COBLL1: variants seen among roughly 807,000 people sequenced by gnomAD.
The protein encoded by COBLL1 is cordon-bleu protein-like 1.
A neutral mutation model predicts 94.8 loss-of-function variants in COBLL1; 50 were observed. The ratio of observed to expected loss-of-function variants is 0.53; its 90% CI spans 0.42 to 0.67. COBLL1 has a LOEUF of 0.67. COBLL1 is among the 30% of genes least tolerant of loss of function. The pLI, the probability that COBLL1 is intolerant of heterozygous loss-of-function variation, is 0.00. For missense variants in COBLL1, 1,362 were observed against 1,348.7 expected (o/e 1.01, Z -0.15); for synonymous variants, 448 against 473.8 (o/e 0.95, Z 0.71).
chr2:164,713,271 G>A (rs1411215491), intron 7 of COBLL1, among the ~76,000 whole-genome samples: 1 of 152,104 alleles, frequency 6.6e-6, no homozygotes, highest in Non-Finnish European at 1.5e-5. Context: ...TAACATCAGA[G>A]TGAAGGGGTA....
intron 2 of COBLL1, among the ~76,000 whole-genome samples, chr2:164,804,437 C>A (rs1683985942): frequency 6.6e-6 from 1 of 151,980 alleles, no homozygotes; most frequent in Non-Finnish European, 1.5e-5. Context: ...TATGAAATGT[C>A]TGTTTCATAT....
intron 2 of COBLL1, among the ~76,000 whole-genome samples, chr2:164,828,539 T>A (rs1391988431): frequency 6.6e-6 from 1 of 152,122 alleles, no homozygotes; most frequent in African/African-American, 2.4e-5. Flanking sequence ...AGTAGATTGT[T>A]AAGTAAAAAA....
At chr2:164,718,082 C>T in intron 7 of COBLL1, 1 of 182,130 alleles carries the variant, frequency 5.5e-6, no homozygotes, top group Non-Finnish European at 1.0e-5. Flanking sequence ...GAAAATTTAC[C>T]AGATATATGA....
chr2:164,676,576 GA>G (rs779126632), downstream of COBLL1, among the ~76,000 whole-genome samples: 31 of 152,054 alleles, frequency 2.0e-4, no homozygotes, highest in Non-Finnish European at 4.0e-4. Context: ...TTCTGGGATG[GA>G]AAATCTGTAC....
chr2:164,794,058 ATACT>A (rs1405734107), intron 2 of COBLL1, among the ~76,000 whole-genome samples: 1 of 152,218 alleles, frequency 6.6e-6, no homozygotes, highest in African/African-American at 2.4e-5. Context: ...ACAGAAGGTC[ATACT>A]TACTTAGAAA....
intron 13 of COBLL1, chr2:164,687,586 GT>G: frequency 8.5e-7 from 1 of 1,175,994 alleles, no homozygotes; most frequent in Non-Finnish European, 1.3e-6. Context: ...TCGCATGCCT[GT>G]TTGAAGCCTA....
chr2:164,772,133 T>G (rs754867063), intron 2 of COBLL1: 2 of 149,900 alleles, frequency 1.3e-5, no homozygotes, highest in Non-Finnish European at 3.0e-5. Flanking sequence ...GTTTAGTTGT[T>G]AATCCTCACA....
intron 5 of COBLL1, chr2:164,722,832 T>C (rs924635932): frequency 2.9e-5 from 5 of 170,648 alleles, no homozygotes; most frequent in Non-Finnish European, 5.0e-5. Flanking sequence ...TTTTGAAGTA[T>C]AGAAGCAAAA....
At chr2:164,818,142 A>G (rs989042071) in intron 2 of COBLL1, among the ~76,000 whole-genome samples, 6 of 151,404 alleles carry the variant, frequency 4.0e-5, no homozygotes, top group Non-Finnish European at 5.9e-5. Context: ...GTACATGTAT[A>G]TGTACATGTA....
At chr2:164,736,347 G>A (rs571097179) in intron 3 of COBLL1, among the ~76,000 whole-genome samples, 4 of 152,196 alleles carry the variant, frequency 2.6e-5, no homozygotes, top group South Asian at 2.1e-4. Context: ...CCAGGTACAC[G>A]AAACAAATAG....
chr2:164,828,240 CTGATCAT>C (rs1685527382), intron 2 of COBLL1, among the ~76,000 whole-genome samples: 1 of 152,156 alleles, frequency 6.6e-6, no homozygotes, highest in Non-Finnish European at 1.5e-5. Context: ...TATCCAATAA[CTGATCAT>C]TGTTTCTAGG....
intron 3 of COBLL1, among the ~76,000 whole-genome samples, chr2:164,734,149 TC>T (rs1405483620): frequency 6.6e-6 from 1 of 150,410 alleles, no homozygotes; most frequent in Non-Finnish European, 1.5e-5. Flanking sequence ...ATGAAACTGA[TC>T]TAGAGAGAAG....
At chr2:164,804,464 G>A (rs1265593500) in intron 2 of COBLL1, among the ~76,000 whole-genome samples, 2 of 152,044 alleles carry the variant, frequency 1.3e-5, no homozygotes, top group African/African-American at 2.4e-5. Context: ...AAATAAACAT[G>A]TAATATGTGT....
At position 164,699,390 on chromosome 2, in the gene COBLL1, A is replaced by G. The variant is rs1327037667; in HGVS notation, c.1555+15T>C. 6.6e-7 allele frequency: 1 copy of G among 1,523,726 alleles called. No individual in the cohort carries two copies. The highest frequency in any genetic ancestry group is 1.4e-5 in the African/African-American group (1 of 73,050). The allele number at this position is 1,523,726 out of a possible 1,614,324, so 94.4% of individuals were successfully genotyped here. On this transcript the variant is annotated intron_variant, in intron 11 of 13. Transcript: ENST00000652658. Reference sequence around the variant, plus strand: ...AAAAGTAAGAAAGTGTTGGCTATTAATTTATATAACTCACCATTCTCTTGG... The same window carrying G: ...AAAAGTAAGAAAGTGTTGGCTATTAGTTTATATAACTCACCATTCTCTTGG...
At chr2:164,727,262 G>C in intron 5 of COBLL1, 1 of 476,300 alleles carries the variant, frequency 2.1e-6, no homozygotes, top group Non-Finnish European at 3.8e-6. Flanking sequence ...CACCACCTCA[G>C]GATAAATTTT....
At chr2:164,748,164 A>G (rs1326946914) in intron 2 of COBLL1, among the ~76,000 whole-genome samples, 1 of 152,176 alleles carries the variant, frequency 6.6e-6, no homozygotes, top group Non-Finnish European at 1.5e-5. Flanking sequence ...TGATCCATAC[A>G]CATTAAATTT....
intron 2 of COBLL1, among the ~76,000 whole-genome samples, chr2:164,797,143 T>C (rs1476755232): frequency 2.0e-5 from 3 of 152,214 alleles, no homozygotes; most frequent in African/African-American, 4.8e-5. Context: ...GGGACCTTTG[T>C]TGATGTCATA....
chr2:164,705,047 G>A lies in COBLL1; in HGVS notation c.1055C>T (p.Ala352Val), dbSNP rs141922982. 355 of 1,601,354 alleles carry A rather than the reference G, an allele frequency of 2.2e-4. No individual in the cohort carries two copies. The highest frequency in any genetic ancestry group is 2.8e-4 in the Non-Finnish European group (333 of 1,174,084). ...AGSLQLSSMS[A>V]GNSSLRRTKR... is the part of the protein sequence containing the mutation. ...TGTCCTTCTCAAAGATGAATTCCCT[G>A]CAGACATGCTGCTGAGCTGCAGTGA... The change falls in exon 8 of 14, where the codon GCA becomes GTA. Residue 352 changes from alanine to valine, a missense_variant. By Grantham distance (64) the Ala-to-Val change is moderately conservative. Coordinates refer to ENST00000652658, the MANE Select transcript of COBLL1 (RefSeq NM_001365672.2).
Position 164,734,753 on chromosome 2 carries a change from T to C in COBLL1, c.231-4638A>G, listed in dbSNP as rs544028121. Among the ~76,000 whole-genome samples, 6 of 152,286 alleles carry C rather than the reference T, an allele frequency of 3.9e-5. No homozygotes were observed. In the East Asian group the frequency reaches 1.2e-3, roughly 29 times the overall value. ...CAGGATTGGAGGGACAAAGTGGCAG[T>C]GTTGCTGAAAGTAACCAACAGGAGA... is the stretch of plus-strand genomic sequence containing the variant. On this transcript the variant is annotated intron_variant, in intron 3 of 13. Coordinates refer to ENST00000652658, the MANE Select transcript of COBLL1 (RefSeq NM_001365672.2).
Sources: gnomAD v4.1 joint callset for allele counts (sites outside exome capture counted in the v4.1 genomes callset) on GRCh38, gnomAD v4.1.1 for gene constraint, MANE v1.5 for transcripts, NCBI Gene and HGNC (gene_info 2026-07-23, HGNC 2026-07-21) for gene names.